The following USP25 variants were observed in gnomAD, a reference collection of about 807,000 sequenced individuals.
USP25 encodes the protein ubiquitin carboxyl-terminal hydrolase 25.
Under a neutral mutation model 158.5 loss-of-function variants are expected in USP25, and 85 were observed. That is an observed-to-expected ratio of 0.54 (90% CI 0.45 to 0.64). The LOEUF (loss-of-function observed/expected upper bound fraction) is 0.64, where lower values mean the gene tolerates loss of function less well. Among genes scored for constraint, USP25 ranks in the 30% least tolerant of loss-of-function variants. The pLI, the probability that USP25 is intolerant of heterozygous loss-of-function variation, is 0.00. For synonymous variants in USP25, 464 were observed against 460.4 expected, an observed-to-expected ratio of 1.01 and a Z score of -0.10; for missense variants, 1,242 against 1,327.3, an observed-to-expected ratio of 0.94 and a Z score of 1.00.
intron 1 of USP25, among the ~76,000 whole-genome samples, chr21:15,761,858 C>G (rs1248061327): frequency 6.6e-6 from 1 of 152,182 alleles, no homozygotes; most frequent in Non-Finnish European, 1.5e-5. Flanking sequence ...ACTTTCACTC[C>G]TGCTCTAAAA....
chr21:15,772,725 A>C (rs545243446), intron 3 of USP25, among the ~76,000 whole-genome samples: 1 of 152,230 alleles, frequency 6.6e-6, no homozygotes, highest in Admixed American at 6.5e-5. Context: ...TATTCCACTA[A>C]GTCCAGAAAA....
intron 7 of USP25, among the ~76,000 whole-genome samples, chr21:15,808,340 TTGTG>T (rs1012768647): frequency 5.9e-5 from 9 of 151,574 alleles, no homozygotes; most frequent in Admixed American, 2.0e-4. Context: ...GCTTAAAAAG[TTGTG>T]TGTGTAAGTT....
chr21:15,854,087 A>G (rs567709459), intron 20 of USP25, among the ~76,000 whole-genome samples: 6 of 151,910 alleles, frequency 3.9e-5, no homozygotes, highest in Non-Finnish European at 5.9e-5. Flanking sequence ...GTATTTTTAA[A>G]TTTTTGTTCT....
At position 15,870,309 on chromosome 21, in the gene USP25, A is replaced by G. The variant is rs879019493; in HGVS notation, c.2885+162A>G. 1.1e-4 allele frequency among the ~76,000 whole-genome samples: 17 copies of G among 152,334 alleles called. No individual in the cohort carries two copies. The South Asian group carries it at 2.9e-3, about 26-fold the overall frequency. ...TTTACAGAAAAATTACACAGTTGAT[A>G]TAGAGACTTCCCATATACCCCACAT... is the stretch of plus-strand genomic sequence containing the variant. On this transcript the variant is annotated intron_variant, in intron 23 of 25. Transcript: ENST00000400183.
At chr21:15,844,584 A>T (rs926221751) in intron 18 of USP25, among the ~76,000 whole-genome samples, 6 of 152,116 alleles carry the variant, frequency 3.9e-5, no homozygotes, top group African/African-American at 1.4e-4. Context: ...ATTTCCTGGA[A>T]AGCGTAGAAT....
At position 15,826,296 on chromosome 21, in the gene USP25, C is replaced by G; in HGVS notation, c.1397C>G (p.Thr466Ser). ...LEFASSKPVC[T>S]SPVDDIDASS... ...TTTGCCTCAAGTAAACCTGTTTGCACTTCTCCTGTTGACGATATTGACGCT... is the reference window on the plus strand; with the variant it reads ...TTTGCCTCAAGTAAACCTGTTTGCAGTTCTCCTGTTGACGATATTGACGCT... Residue 466 changes from threonine to serine, a missense_variant, in exon 13 of 26, where the codon ACT (threonine) becomes AGT (serine). Physicochemically the swap from Thr to Ser is moderately conservative, Grantham distance 58. Coordinates refer to ENST00000400183, the MANE Select transcript of USP25 (RefSeq NM_001283041.3). The surrounding 1 kb of genome is among the most constrained non-coding windows in gnomAD (Gnocchi z 4.8). The G allele has an allele frequency of 2.5e-6, 4 of 1,614,092 alleles. No individual in the cohort carries two copies. The highest frequency in any genetic ancestry group is 3.4e-6 in the Non-Finnish European group (4 of 1,179,984).
At chr21:15,823,956 G>C in intron 10 of USP25, 83 bp from the exon 11 acceptor site, 4 of 1,364,504 alleles carry the variant, frequency 2.9e-6, no homozygotes, top group Non-Finnish European at 4.0e-6. Context: ...AACAATGTCA[G>C]TGCCCACATC....
In USP25 at chr21:15,805,115, C is replaced by G; in HGVS notation, c.643-6C>G. 2.5e-6 allele frequency: 4 copies of G among 1,570,346 alleles called. No homozygotes were observed. Among genetic ancestry groups the G allele is most frequent in the Non-Finnish European group, 3.4e-6 (4 of 1,165,360 alleles). On this transcript the variant is annotated splice_polypyrimidine_tract_variant and splice_region_variant and intron_variant, in intron 6 of 25. Coordinates refer to ENST00000400183, the MANE Select transcript of USP25 (RefSeq NM_001283041.3). ...TGTTTTTGTTTTTGTTTTTTTCCTT[C>G]AATAGGAACATCGGAATTTGCCTTT... is the stretch of plus-strand genomic sequence containing the variant.
At position 15,843,986 on chromosome 21, in the gene USP25, C is replaced by T. The variant is rs962083678; in HGVS notation, c.2337+1446C>T. ...AGAAGTCAGCTAAATTTTGATTGCT[C>T]AGCTTCATAATATGGATATCGTCTT... On this transcript the variant is annotated intron_variant, in intron 18 of 25. Transcript: ENST00000400183. The surrounding 1 kb of genome is among the most constrained non-coding windows in gnomAD (Gnocchi z 4.0). Among the ~76,000 whole-genome samples, 13 of 152,088 alleles carry T rather than the reference C, an allele frequency of 8.5e-5. No individual in the cohort carries two copies. Among genetic ancestry groups the T allele is most frequent in the Admixed American group, 7.9e-4 (12 of 15,258 alleles).
chr21:15,858,236 T>A (rs1379113041), intron 20 of USP25, among the ~76,000 whole-genome samples: 1 of 152,082 alleles, frequency 6.6e-6, no homozygotes, highest in African/African-American at 2.4e-5. Context: ...CAAATCCTTT[T>A]AGAATTGTAT....
At chr21:15,835,716 A>ACTACTTCT (rs2038032931) in intron 17 of USP25, among the ~76,000 whole-genome samples, 1 of 152,224 alleles carries the variant, frequency 6.6e-6, no homozygotes, top group African/African-American at 2.4e-5. Context: ...TGGGTTATTT[A>ACTACTTCT]GAAAGCAGTG....
chr21:15,805,110 T>C lies in USP25; in HGVS notation c.643-11T>C, dbSNP rs1732027772. 6.4e-7 allele frequency: 1 copy of C among 1,564,216 alleles called. No homozygotes were observed. The highest frequency in any genetic ancestry group is 1.2e-5 in the South Asian group (1 of 82,644). On this transcript the variant is annotated splice_polypyrimidine_tract_variant and intron_variant, in intron 6 of 25. Transcript: ENST00000400183. The stretch of plus-strand genomic sequence containing the variant: ...TAAGGTGTTTTTGTTTTTGTTTTTT[T>C]CCTTCAATAGGAACATCGGAATTTG...
intron 20 of USP25, among the ~76,000 whole-genome samples, chr21:15,855,580 G>T (rs189113163): frequency 6.6e-6 from 1 of 152,240 alleles, no homozygotes; most frequent in East Asian, 1.9e-4. Context: ...TCAAGACAGC[G>T]GTCCAACATT....
chr21:15,788,401 A>G (rs1206641015), intron 4 of USP25, among the ~76,000 whole-genome samples: 1 of 152,136 alleles, frequency 6.6e-6, no homozygotes, highest in South Asian at 2.1e-4. Flanking sequence ...CAGTCAGTCA[A>G]TCAATAACCA....
At chr21:15,817,394 A>G (rs1201107831) in intron 9 of USP25, among the ~76,000 whole-genome samples, 1 of 152,122 alleles carries the variant, frequency 6.6e-6, no homozygotes, top group Non-Finnish European at 1.5e-5. Flanking sequence ...ATTTCTGGAT[A>G]GATTCTGCAA....
intron 4 of USP25, among the ~76,000 whole-genome samples, chr21:15,787,723 G>A (rs1024965873): frequency 2.6e-5 from 4 of 151,534 alleles, no homozygotes; most frequent in South Asian, 2.1e-4. Context: ...TTCATTACCC[G>A]CCGCCCCCTT....
chr21:15,730,566 C>T (rs1345083632), intron 1 of USP25, 128 bp downstream of exon 1: 5 of 1,105,312 alleles, frequency 4.5e-6, no homozygotes, highest in African/African-American at 1.7e-5. Flanking sequence ...CACCCCCGGC[C>T]CCTGCCCATC....
intron 1 of USP25, among the ~76,000 whole-genome samples, chr21:15,759,765 C>T (rs530319433): frequency 6.6e-6 from 1 of 152,150 alleles, no homozygotes; most frequent in Admixed American, 6.5e-5. Context: ...GTCTACCCCC[C>T]ACTTCCAGTC....
At chr21:15,781,473 A>G (rs921125731) in intron 4 of USP25, among the ~76,000 whole-genome samples, 1 of 152,190 alleles carries the variant, frequency 6.6e-6, no homozygotes, top group African/African-American at 2.4e-5. Flanking sequence ...ATGGGAAGTG[A>G]TGTCAGCAAG....
Sources: gnomAD v4.1 joint callset for allele counts (sites outside exome capture counted in the v4.1 genomes callset) on GRCh38, gnomAD v4.1.1 for gene constraint, Gnocchi (gnomAD v3.1) non-coding constraint, MANE v1.5 for transcripts, NCBI Gene and HGNC (gene_info 2026-07-23, HGNC 2026-07-21) for gene names.